Variants in FGF1 observed in about 807,000 individuals in gnomAD.
FGF1 encodes beta-endothelial cell growth factor.
A neutral mutation model predicts 13.4 loss-of-function variants in FGF1; 9 were observed. That is an observed-to-expected ratio of 0.67 (90% CI 0.40 to 1.17). The LOEUF (loss-of-function observed/expected upper bound fraction) is 1.17. Ranked by LOEUF, FGF1 falls within the 50% of genes most tolerant of loss-of-function variation. The pLI is 0.01. For missense variants in FGF1, 156 were observed against 192.7 expected, an observed-to-expected ratio of 0.81 and a Z score of 1.13; for synonymous variants, 93 against 79.0, an observed-to-expected ratio of 1.18 and a Z score of -0.94.
At chr5:142,629,780 G>A (rs1231312628) in intron 1 of FGF1, among the ~76,000 whole-genome samples, 2 of 148,636 alleles carry the variant, frequency 1.3e-5, no homozygotes, top group Admixed American at 6.7e-5. Flanking sequence ...TTAATATTTT[G>A]CTATATTTAA....
chr5:142,679,850 C>G (rs1171363699), intron 1 of FGF1: 1 of 152,244 alleles, frequency 6.6e-6, no homozygotes, highest in Non-Finnish European at 1.5e-5. Flanking sequence ...CGGGGTTAGT[C>G]TGTTATGGTT....
chr5:142,631,191 G>A (rs1330066521), intron 1 of FGF1, among the ~76,000 whole-genome samples: 1 of 152,176 alleles, frequency 6.6e-6, no homozygotes, highest in Admixed American at 6.5e-5. Context: ...CTCTTCTAAA[G>A]CAAGTGTTTT....
chr5:142,685,144 G>A (rs1456555074), intron 1 of FGF1, among the ~76,000 whole-genome samples: 2 of 152,150 alleles, frequency 1.3e-5, no homozygotes, highest in East Asian at 3.9e-4. Flanking sequence ...CATACCTTTG[G>A]CATGTAATTG....
rs201578606 is a variant in FGF1 at position 142,619,901 on chromosome 5, AAAAG to A, written c.-34-5744_-34-5741del. Among the ~76,000 whole-genome samples, 602 of 152,252 alleles carry A rather than the reference AAAAG, an allele frequency of 4.0e-3. 5 individuals are homozygous for A. The highest frequency in any genetic ancestry group is 0.029 in the East Asian group (148 of 5,180). Reference sequence around the variant, plus strand: ...TTCCAAAATAATCTAGAAAAAGAAAAAAAGAAAATAAAGTAAAAAAATTGCTCAG... The same window carrying A: ...TTCCAAAATAATCTAGAAAAAGAAAAAAAATAAAGTAAAAAAATTGCTCAG... On this transcript the variant is annotated intron_variant, in intron 1 of 3. Coordinates refer to ENST00000337706, the MANE Select transcript of FGF1 (RefSeq NM_000800.5).
At chr5:142,646,626 C>T (rs1361490673) in intron 1 of FGF1, among the ~76,000 whole-genome samples, 1 of 152,146 alleles carries the variant, frequency 6.6e-6, no homozygotes, top group Non-Finnish European at 1.5e-5. Context: ...GCTGGGATTA[C>T]AGGCGTGAGC....
At position 142,611,603 on chromosome 5, in the gene FGF1, C is replaced by T. The variant is rs531436502; in HGVS notation, c.169+2356G>A. Among the ~76,000 whole-genome samples the T allele has an allele frequency of 3.3e-5, 5 of 152,282 alleles. No homozygotes were observed. The East Asian group carries it at 9.6e-4, about 29-fold the overall frequency. ...GAAAGGGGCAGAGTAGGCTTGAACTCGAGCCTGCTGACTCTTCAGTGGAAT... is the reference window on the plus strand; with the variant it reads ...GAAAGGGGCAGAGTAGGCTTGAACTTGAGCCTGCTGACTCTTCAGTGGAAT... On this transcript the variant is annotated intron_variant, in intron 2 of 3. Coordinates refer to ENST00000337706, the MANE Select transcript of FGF1 (RefSeq NM_000800.5).
At chr5:142,643,318 T>C (rs1001417594) in intron 1 of FGF1, among the ~76,000 whole-genome samples, 3 of 151,356 alleles carry the variant, frequency 2.0e-5, no homozygotes, top group East Asian at 1.9e-4. Context: ...CACACACACA[T>C]ACCCCAAAAT....
At chr5:142,673,639 G>A (rs1016670574) in intron 1 of FGF1, among the ~76,000 whole-genome samples, 2 of 152,064 alleles carry the variant, frequency 1.3e-5, no homozygotes, top group African/African-American at 4.8e-5. Flanking sequence ...CTCTTTTGTG[G>A]TCCTGCTCCA....
At position 142,608,542 on chromosome 5, in the gene FGF1, CTATATATATATATATATATA is replaced by C. The variant is rs369107817; in HGVS notation, c.169+5397_169+5416del. 3.5e-3 allele frequency among the ~76,000 whole-genome samples: 267 copies of C among 76,026 alleles called. 5 individuals carry two copies. Among genetic ancestry groups the C allele is most frequent in the African/African-American group, 9.9e-3 (236 of 23,906 alleles). 49.9% of individuals were successfully genotyped at this position (76,026 alleles called of 152,430 possible). On this transcript the variant is annotated intron_variant, in intron 2 of 3. Transcript: ENST00000337706. ...CATATATATAAATATATATACACAT[CTATATATATATATATATATA>C]TATATATATATATATATATATACAC...
chr5:142,669,291 A>G (rs1196317466), intron 1 of FGF1, among the ~76,000 whole-genome samples: 2 of 152,236 alleles, frequency 1.3e-5, no homozygotes, highest in African/African-American at 4.8e-5. Context: ...CACGGGGCAC[A>G]GTATCCTCTA....
rs78343798 is a variant in FGF1, at chr5:142,629,495, A to T, written c.-34-15334T>A. Reference sequence around the variant, plus strand: ...ATTTTCATTAACACATAACATTTCCAGGCAGAGCATTTGCCTCCAAATCTA... The same window carrying T: ...ATTTTCATTAACACATAACATTTCCTGGCAGAGCATTTGCCTCCAAATCTA... On this transcript the variant is annotated intron_variant, in intron 1 of 3. Transcript: ENST00000337706. 7.6e-3 allele frequency among the ~76,000 whole-genome samples: 1,160 copies of T among 152,318 alleles called. 10 individuals carry two copies. The highest frequency in any genetic ancestry group is 0.019 in the South Asian group (93 of 4,818).
chr5:142,668,485 G>A (rs1770861342), intron 1 of FGF1, among the ~76,000 whole-genome samples: 1 of 152,132 alleles, frequency 6.6e-6, no homozygotes, highest in Non-Finnish European at 1.5e-5. Context: ...CCCTGCCCCG[G>A]CCCCAGTAAG....
At chr5:142,602,240 G>A (rs1410234413) in intron 2 of FGF1, among the ~76,000 whole-genome samples, 12 of 151,466 alleles carry the variant, frequency 7.9e-5, no homozygotes, top group African/African-American at 2.2e-4. Flanking sequence ...GCAGTGGCGC[G>A]ATCTCGGCTC....
chr5:142,659,625 T>A (rs191364937), intron 1 of FGF1, among the ~76,000 whole-genome samples: 1 of 152,290 alleles, frequency 6.6e-6, no homozygotes, highest in African/African-American at 2.4e-5. Context: ...ATTCAAATGC[T>A]GCCTGACAGC....
intron 2 of FGF1, among the ~76,000 whole-genome samples, chr5:142,692,156 C>T (rs1205509509): frequency 1.3e-5 from 2 of 152,118 alleles, no homozygotes; most frequent in African/African-American, 2.4e-5. Context: ...CATGATGAAA[C>T]CCCTTCTCTA....
At chr5:142,615,783 T>C (rs1471696786) in intron 1 of FGF1, among the ~76,000 whole-genome samples, 1 of 152,228 alleles carries the variant, frequency 6.6e-6, no homozygotes, top group Non-Finnish European at 1.5e-5. Flanking sequence ...AAAAGGAGTC[T>C]GGGAACAGAA....
At chr5:142,689,629 C>T (rs1195842633), upstream of FGF1, among the ~76,000 whole-genome samples, 1 of 151,238 alleles carries the variant, frequency 6.6e-6, no homozygotes, top group South Asian at 2.1e-4. Flanking sequence ...CCCATGAGAG[C>T]TGGGTTTCCT....
chr5:142,647,014 A>G (rs969856399), intron 1 of FGF1, among the ~76,000 whole-genome samples: 3 of 152,346 alleles, frequency 2.0e-5, no homozygotes, highest in South Asian at 2.1e-4. Flanking sequence ...TCAGCACCCA[A>G]TACCAGTTTC....
chr5:142,624,471 T>A (rs1232117792), intron 1 of FGF1, among the ~76,000 whole-genome samples: 3 of 152,266 alleles, frequency 2.0e-5, no homozygotes, highest in Admixed American at 2.0e-4. Flanking sequence ...TCTCATTTGC[T>A]TAGGTGCTCA....
Sources: allele counts gnomAD v4.1 joint callset (sites outside exome capture counted in the v4.1 genomes callset), GRCh38; gene constraint gnomAD v4.1.1; transcripts MANE v1.5; gene names NCBI Gene and HGNC (gene_info 2026-07-23, HGNC 2026-07-21).